CNTN5: variants seen among roughly 807,000 people sequenced by gnomAD.
The protein encoded by CNTN5 is contactin-5.
Under a neutral mutation model 129.1 loss-of-function variants are expected in CNTN5, and 77 were observed. The ratio of observed to expected loss-of-function variants is 0.60; its 90% CI spans 0.50 to 0.72. CNTN5 has a LOEUF of 0.72. CNTN5 is among the 30% of genes least tolerant of loss of function. The pLI, the probability that CNTN5 is intolerant of heterozygous loss-of-function variation, is 0.00. For synonymous variants in CNTN5, 509 were observed against 465.6 expected (o/e 1.09, Z -1.20); for missense variants, 1,478 against 1,328.8 (o/e 1.11, Z -1.75).
chr11:100,126,116 A>C (rs1591286508), intron 13 of CNTN5, among the ~76,000 whole-genome samples: 2 of 152,228 alleles, frequency 1.3e-5, no homozygotes, highest in South Asian at 4.1e-4. Context: ...TGGTTTTAAA[A>C]GATCTTCTTG....
chr11:99,660,440 A>C (rs184106543), intron 3 of CNTN5, among the ~76,000 whole-genome samples: 8 of 152,242 alleles, frequency 5.3e-5, no homozygotes, highest in African/African-American at 1.7e-4. Context: ...TCTATATGTC[A>C]AAACTCAGAA....
At chr11:99,117,794 C>G (rs115396336) in intron 1 of CNTN5, among the ~76,000 whole-genome samples, 1 of 152,246 alleles carries the variant, frequency 6.6e-6, no homozygotes, top group African/African-American at 2.4e-5. Context: ...AGTGAGAAGA[C>G]AGCCATCTTC....
intron 8 of CNTN5, among the ~76,000 whole-genome samples, chr11:100,000,502 C>A (rs544246116): frequency 5.0e-4 from 76 of 152,344 alleles, no homozygotes; most frequent in African/African-American, 1.5e-3. Flanking sequence ...CAGGGCACAG[C>A]ACCTCTGGCT....
chr11:99,119,529 G>A (rs961435967), intron 1 of CNTN5, among the ~76,000 whole-genome samples: 3 of 151,852 alleles, frequency 2.0e-5, no homozygotes, highest in Non-Finnish European at 4.4e-5. Context: ...TCTTTATTCA[G>A]TATACCATTT....
intron 2 of CNTN5, among the ~76,000 whole-genome samples, chr11:99,351,716 T>C (rs1233769597): frequency 6.6e-6 from 1 of 152,192 alleles, no homozygotes; most frequent in Non-Finnish European, 1.5e-5. Context: ...TGAACTACTA[T>C]ATAAATCAAA....
intron 6 of CNTN5, among the ~76,000 whole-genome samples, chr11:99,902,484 A>G: frequency 6.6e-6 from 1 of 152,092 alleles, no homozygotes; most frequent in East Asian, 1.9e-4. Flanking sequence ...TGATTTACAG[A>G]AAAAAATGTA....
At chr11:99,962,009 CAT>C (rs562076561) in intron 8 of CNTN5, among the ~76,000 whole-genome samples, 8 of 152,182 alleles carry the variant, frequency 5.3e-5, no homozygotes, top group Middle Eastern at 3.4e-3. Flanking sequence ...TACACACACA[CAT>C]ATATGCAATT....
chr11:99,631,739 T>C (rs1951361264), intron 3 of CNTN5, among the ~76,000 whole-genome samples: 1 of 149,394 alleles, frequency 6.7e-6, no homozygotes, highest in South Asian at 2.1e-4. Context: ...CAAACTGAGG[T>C]TCAGAGAAGT....
At chr11:99,315,968 C>T (rs1197371983) in intron 1 of CNTN5, among the ~76,000 whole-genome samples, 2 of 151,124 alleles carry the variant, frequency 1.3e-5, no homozygotes, top group Non-Finnish European at 3.0e-5. Context: ...ATTTGTGTGC[C>T]TCATGGGTAT....
chr11:100,153,975 T>C (rs1353865102), intron 13 of CNTN5, among the ~76,000 whole-genome samples: 1 of 152,092 alleles, frequency 6.6e-6, no homozygotes, highest in Non-Finnish European at 1.5e-5. Flanking sequence ...TACTTAGTAA[T>C]TTAATTATAT....
chr11:99,769,340 G>T (rs193107779), intron 3 of CNTN5, among the ~76,000 whole-genome samples: 1 of 152,230 alleles, frequency 6.6e-6, no homozygotes, highest in African/African-American at 2.4e-5. Flanking sequence ...CTGAGTATGA[G>T]ATATGCTCAT....
chr11:100,060,580 A>G lies in CNTN5; in HGVS notation c.981-632A>G, dbSNP rs1042665237. ...GTTTGACTCATTGCAATAAGCACAT[A>G]TATGTTAGTAATTTTGCCAAGTTAC... On this transcript the variant is annotated intron_variant, in intron 9 of 24. Coordinates refer to ENST00000524871, the MANE Select transcript of CNTN5 (RefSeq NM_014361.4). 3.3e-5 allele frequency among the ~76,000 whole-genome samples: 5 copies of G among 151,878 alleles called. No individual in the cohort carries two copies. The South Asian group carries it at 1.0e-3, about 31-fold the overall frequency.
intron 2 of CNTN5, among the ~76,000 whole-genome samples, chr11:99,438,915 C>T (rs1008398126): frequency 2.6e-5 from 4 of 152,048 alleles, no homozygotes; most frequent in Non-Finnish European, 4.4e-5. Flanking sequence ...TGCAAGTCTT[C>T]GATGATGTTG....
intron 3 of CNTN5, among the ~76,000 whole-genome samples, chr11:99,804,792 A>G (rs1042210367): frequency 4.0e-5 from 6 of 150,638 alleles, no homozygotes; most frequent in African/African-American, 1.5e-4. Context: ...ATATGGTAAA[A>G]TGATTTATGA....
intron 2 of CNTN5, among the ~76,000 whole-genome samples, chr11:99,462,950 C>CA (rs980694475): frequency 6.6e-6 from 1 of 150,484 alleles, no homozygotes; most frequent in Admixed American, 6.6e-5. Context: ...ACAAAACAAA[C>CA]AAAAAAAATT....
At chr11:100,297,761 T>C in intron 19 of CNTN5, 66 bp downstream of exon 19, 2 of 1,198,840 alleles carry the variant, frequency 1.7e-6, no homozygotes, top group Non-Finnish European at 2.4e-6. Flanking sequence ...GATATTTAAT[T>C]ATTTTATGAT....
At chr11:100,170,016 A>T (rs766740881) in intron 13 of CNTN5, among the ~76,000 whole-genome samples, 4 of 151,954 alleles carry the variant, frequency 2.6e-5, no homozygotes, top group Non-Finnish European at 5.9e-5. Context: ...TACTGTATGA[A>T]AATACTTCCC....
chr11:99,433,371 A>AAAT (rs1555143805), intron 2 of CNTN5, among the ~76,000 whole-genome samples: 1 of 140,840 alleles, frequency 7.1e-6, no homozygotes, highest in Non-Finnish European at 1.5e-5. Context: ...TAAAAAAAAA[A>AAAT]TGTGTGTGTG....
At chr11:99,064,151 T>C (rs754442934) in intron 1 of CNTN5, among the ~76,000 whole-genome samples, 1 of 152,118 alleles carries the variant, frequency 6.6e-6, no homozygotes, top group Non-Finnish European at 1.5e-5. Flanking sequence ...ATTTGTTTAG[T>C]TGGTTAGTTT....
Sources: gnomAD v4.1 joint callset for allele counts (sites outside exome capture counted in the v4.1 genomes callset) on GRCh38, gnomAD v4.1.1 for gene constraint, MANE v1.5 for transcripts, NCBI Gene and HGNC (gene_info 2026-07-23, HGNC 2026-07-21) for gene names.